The following PTPRG variants were observed in gnomAD, a reference collection of about 807,000 sequenced individuals.
PTPRG encodes the protein protein tyrosine phosphatase receptor type G, also known as receptor-type tyrosine-protein phosphatase gamma.
PTPRG carries 102 observed loss-of-function variants against 165.3 expected under a neutral mutation model. The observed-to-expected ratio is 0.62, with a 90% CI of 0.53 to 0.73. The LOEUF (loss-of-function observed/expected upper bound fraction) is 0.73, where lower values mean the gene tolerates loss of function less well. Ranked by LOEUF, PTPRG falls within the 30% of genes least tolerant of loss-of-function variation. The pLI is 0.00. For synonymous variants in PTPRG, 675 were observed against 669.5 expected, an observed-to-expected ratio of 1.01 and a Z score of -0.13; for missense variants, 1,866 against 1,861.4, an observed-to-expected ratio of 1.00 and a Z score of -0.05.
chr3:61,932,135 C>T (rs2039376793), intron 2 of PTPRG, among the ~76,000 whole-genome samples: 1 of 152,218 alleles, frequency 6.6e-6, no homozygotes, highest in Non-Finnish European at 1.5e-5. Context: ...AATTATATAT[C>T]TACCACTAAG....
intron 4 of PTPRG, among the ~76,000 whole-genome samples, chr3:62,010,327 C>T (rs2041391603): frequency 1.3e-5 from 2 of 151,994 alleles, no homozygotes; most frequent in South Asian, 4.2e-4. Flanking sequence ...CTTTGTTTAA[C>T]ACAATGTTTT....
chr3:62,015,735 CAT>C (rs1428377669), intron 4 of PTPRG, among the ~76,000 whole-genome samples: 2 of 152,064 alleles, frequency 1.3e-5, no homozygotes, highest in Non-Finnish European at 2.9e-5. Flanking sequence ...ATAATTGTAA[CAT>C]TTCAGGAGAG....
At chr3:62,066,340 T>G (rs1701012458) in intron 4 of PTPRG, among the ~76,000 whole-genome samples, 1 of 152,244 alleles carries the variant, frequency 6.6e-6, no homozygotes, top group Non-Finnish European at 1.5e-5. Flanking sequence ...TTTTGAATGA[T>G]TTATAACCTT....
intron 2 of PTPRG, among the ~76,000 whole-genome samples, chr3:61,805,141 C>A (rs1251456342): frequency 6.6e-6 from 1 of 152,078 alleles, no homozygotes; most frequent in Non-Finnish European, 1.5e-5. Flanking sequence ...TTTTTCCCCT[C>A]CCTAAGCAGT....
At chr3:61,819,518 CA>C (rs1376062003) in intron 2 of PTPRG, among the ~76,000 whole-genome samples, 4 of 152,092 alleles carry the variant, frequency 2.6e-5, no homozygotes, top group African/African-American at 9.7e-5. Flanking sequence ...CAATAATTAT[CA>C]ATGGCCACTA....
chr3:61,776,128 G>C (rs1271322644), intron 2 of PTPRG, among the ~76,000 whole-genome samples: 1 of 151,604 alleles, frequency 6.6e-6, no homozygotes, highest in Non-Finnish European at 1.5e-5. Flanking sequence ...ATAAGTCATT[G>C]CATTGGTCAG....
At chr3:62,154,664 G>A (rs751353048) in intron 6 of PTPRG, among the ~76,000 whole-genome samples, 32 of 152,106 alleles carry the variant, frequency 2.1e-4, no homozygotes, top group Non-Finnish European at 4.1e-4. Flanking sequence ...GGCTGCCAGG[G>A]GTTTGCCGGG....
chr3:61,836,050 GCC>G (rs36143527), intron 2 of PTPRG, among the ~76,000 whole-genome samples: 5,462 of 90,754 alleles, frequency 0.06, 384 homozygotes, highest in African/African-American at 0.19. Flanking sequence ...CACCCCCCGC[GCC>G]CCCCCCCACC....
In PTPRG at chr3:62,276,778, T is replaced by G. The variant is rs576248380; in HGVS notation, c.3560-194T>G. On this transcript the variant is annotated intron_variant, in intron 24 of 29. Coordinates refer to ENST00000474889, the MANE Select transcript of PTPRG (RefSeq NM_002841.4). The stretch of plus-strand genomic sequence containing the variant: ...TATTCCTACAATGCCTGTGTCCTTC[T>G]GGGTATGTGCAGCAAAATTTCATTT... 7.9e-5 allele frequency: 44 copies of G among 559,422 alleles called. No homozygotes were observed. In the Middle Eastern group the frequency reaches 1.7e-3, roughly 21 times the overall value. The allele number at this position is 559,422 out of a possible 1,614,324, so 34.7% of individuals were successfully genotyped here.
chr3:61,569,328 C>G (rs572044935), intron 1 of PTPRG, among the ~76,000 whole-genome samples: 1 of 152,134 alleles, frequency 6.6e-6, no homozygotes, highest in African/African-American at 2.4e-5. Flanking sequence ...CTCTCTGTGC[C>G]TCATTATTTT....
At chr3:61,735,883 A>T (rs1009301609) in intron 1 of PTPRG, among the ~76,000 whole-genome samples, 2 of 150,822 alleles carry the variant, frequency 1.3e-5, no homozygotes, top group Non-Finnish European at 2.9e-5. Context: ...GGTTGAGGCC[A>T]TGCTCACATC....
intron 1 of PTPRG, among the ~76,000 whole-genome samples, chr3:61,562,582 G>A (rs1699787152): frequency 6.6e-6 from 1 of 152,036 alleles, no homozygotes; most frequent in South Asian, 2.1e-4. Flanking sequence ...GTGGAGGCAG[G>A]GGCTGGCCGG....
Position 62,240,714 on chromosome 3 carries a change from G to A in PTPRG, c.2376-3093G>A, listed in dbSNP as rs559006463. On this transcript the variant is annotated intron_variant, in intron 14 of 29. Transcript: ENST00000474889. This position sits in a 1 kb window ranked among gnomAD's most constrained non-coding sequence, Gnocchi z 5.1. ...TGCACCAAGCTCCCTCTGCTCTAAG[G>A]CTCTTCAACTAGCTGCTTGACCTGC... Among the ~76,000 whole-genome samples, 1 of 152,218 alleles carries A rather than the reference G, an allele frequency of 6.6e-6. No homozygotes were observed. The highest frequency in any genetic ancestry group is 2.4e-5 in the African/African-American group (1 of 41,536).
chr3:62,053,564 G>T (rs1002544172), intron 4 of PTPRG, among the ~76,000 whole-genome samples: 1 of 152,146 alleles, frequency 6.6e-6, no homozygotes, highest in East Asian at 1.9e-4. Context: ...ATCATGCCTG[G>T]CCTTCCTTTT....
At position 61,989,631 on chromosome 3, in the gene PTPRG, A is replaced by C. The variant is rs760184818; in HGVS notation, c.197A>C (p.Tyr66Ser). 9.9e-6 allele frequency: 16 copies of C among 1,613,200 alleles called. 1 individual carries two copies. The highest frequency in any genetic ancestry group is 1.7e-4 in the Middle Eastern group (1 of 6,050). Residue 66 changes from tyrosine (Y) to serine (S), a missense_variant, in exon 3 of 30, where the codon TAT becomes TCT. Tyr to Ser is a moderately radical substitution (Grantham distance 144). Coordinates refer to ENST00000474889, the MANE Select transcript of PTPRG (RefSeq NM_002841.4). ...GDPYWAYSGA[Y>S]GPEHWVTSSV... is the part of the protein sequence containing the mutation. ...TGTTGTCTTCTTTCAACAGGTGCCT[A>C]TGGTCCTGAGCACTGGGTCACGTCT... is the stretch of plus-strand genomic sequence containing the variant.
chr3:61,591,304 G>C (rs991912188), intron 1 of PTPRG, among the ~76,000 whole-genome samples: 1 of 152,202 alleles, frequency 6.6e-6, no homozygotes, highest in Non-Finnish European at 1.5e-5. Flanking sequence ...CCGAGGGCAA[G>C]ATTCAGTCTC....
chr3:61,577,928 T>C lies in PTPRG; in HGVS notation c.85+15556T>C, dbSNP rs115899713. On this transcript the variant is annotated intron_variant, in intron 1 of 29. Coordinates refer to ENST00000474889, the MANE Select transcript of PTPRG (RefSeq NM_002841.4). Reference sequence around the variant, plus strand: ...AGCAGGTTAGGGTCATTTAGCTTTGTGTGCCTGTTTACCCATCTGTGAAAT... The same window carrying C: ...AGCAGGTTAGGGTCATTTAGCTTTGCGTGCCTGTTTACCCATCTGTGAAAT... 7.1e-3 allele frequency among the ~76,000 whole-genome samples: 1,075 copies of C among 152,370 alleles called. 18 individuals are homozygous for C. Among genetic ancestry groups the C allele is most frequent in the African/African-American group, 0.024 (1,015 of 41,596 alleles).
chr3:62,071,097 T>C (rs1375433690), intron 4 of PTPRG, among the ~76,000 whole-genome samples: 1 of 152,204 alleles, frequency 6.6e-6, no homozygotes, highest in East Asian at 1.9e-4. Flanking sequence ...CTGTAGCTTT[T>C]GCCTGTGTGT....
intron 1 of PTPRG, among the ~76,000 whole-genome samples, chr3:61,740,185 G>A (rs914737888): frequency 1.3e-5 from 2 of 152,160 alleles, no homozygotes; most frequent in African/African-American, 4.8e-5. Flanking sequence ...CACCAACACT[G>A]TCTGTCACTG....
Sources: allele counts gnomAD v4.1 joint callset (sites outside exome capture counted in the v4.1 genomes callset), GRCh38; gene constraint gnomAD v4.1.1; non-coding constraint Gnocchi (gnomAD v3.1); transcripts MANE v1.5; gene names NCBI Gene and HGNC (gene_info 2026-07-23, HGNC 2026-07-21).